EVC2: variants seen among roughly 807,000 people sequenced by gnomAD.
The protein encoded by EVC2 is EvC ciliary complex subunit 2.
In EVC2, 148 loss-of-function variants were observed where a neutral mutation model predicts 149.3. The ratio of observed to expected loss-of-function variants is 0.99; its 90% CI spans 0.87 to 1.14. The LOEUF (loss-of-function observed/expected upper bound fraction) is 1.14. Among genes scored for constraint, EVC2 ranks in the 50% most tolerant of loss-of-function variants. The pLI is 0.00. For synonymous variants in EVC2, 776 were observed against 649.9 expected (o/e 1.19, Z -2.95); for missense variants, 1,854 against 1,627.3 (o/e 1.14, Z -2.40).
In EVC2 at chr4:5,567,956, TCTG is replaced by T. The variant is rs1464438967; in HGVS notation, c.3557+485_3557+487del. ...TTAAAAGGTAAGGAGCAAAATCGCTTCTGCTGTAAGATTCTGAAATGCAGAATG... is the reference window on the plus strand; with the variant it reads ...TTAAAAGGTAAGGAGCAAAATCGCTTCTGTAAGATTCTGAAATGCAGAATG... On this transcript the variant is annotated intron_variant, in intron 20 of 21. Coordinates refer to ENST00000344408, the MANE Select transcript of EVC2 (RefSeq NM_147127.5). This position sits in a 1 kb window ranked among gnomAD's most constrained non-coding sequence, Gnocchi z 4.4. 3.9e-5 allele frequency among the ~76,000 whole-genome samples: 6 copies of T among 152,228 alleles called. No homozygotes were observed. The highest frequency in any genetic ancestry group is 5.9e-5 in the Non-Finnish European group (4 of 68,036).
intron 7 of EVC2, among the ~76,000 whole-genome samples, chr4:5,676,077 G>A (rs1390474298): frequency 6.6e-6 from 1 of 152,138 alleles, no homozygotes; most frequent in East Asian, 1.9e-4. Context: ...CTGTTCTCCT[G>A]GTGCCCGGCA....
chr4:5,684,719 TA>T (rs1720576163), intron 6 of EVC2, among the ~76,000 whole-genome samples: 1 of 152,150 alleles, frequency 6.6e-6, no homozygotes, highest in Admixed American at 6.5e-5. Flanking sequence ...ATTTATATGT[TA>T]AAGTCTGAAG....
intron 9 of EVC2, among the ~76,000 whole-genome samples, chr4:5,644,518 T>C (rs1717570905): frequency 6.6e-6 from 1 of 152,192 alleles, no homozygotes; most frequent in African/African-American, 2.4e-5. Flanking sequence ...TTGGCCAGGA[T>C]GGTCTCAATC....
At position 5,654,176 on chromosome 4, in the gene EVC2, G is replaced by A. The variant is rs187983760; in HGVS notation, c.1145+8931C>T. On this transcript the variant is annotated intron_variant, in intron 9 of 21. Transcript: ENST00000344408. ...TTGCAGTGAGCCAAGATTGTGCCAC[G>A]GCACTCCAGGCTGAGTGACAGAGTG... is the stretch of plus-strand genomic sequence containing the variant. 8.2e-4 allele frequency among the ~76,000 whole-genome samples: 125 copies of A among 152,146 alleles called. 2 individuals carry two copies. The East Asian group carries it at 0.016, about 19-fold the overall frequency.
chr4:5,549,791 C>T (rs1053514669), intron 21 of EVC2, among the ~76,000 whole-genome samples: 1 of 152,174 alleles, frequency 6.6e-6, no homozygotes, highest in African/African-American at 2.4e-5. Context: ...TCTTCCTTCC[C>T]TTTATATGGT....
chr4:5,697,451 G>C (rs1721552981), intron 2 of EVC2, 142 bp downstream of exon 2: 1 of 813,990 alleles, frequency 1.2e-6, no homozygotes. Flanking sequence ...AGTTCTGTAA[G>C]GTCAGGGAAT....
At chr4:5,597,170 C>T (rs1169435736) in intron 16 of EVC2, among the ~76,000 whole-genome samples, 1 of 152,180 alleles carries the variant, frequency 6.6e-6, no homozygotes, top group East Asian at 1.9e-4. Flanking sequence ...CTTTCTGAAA[C>T]TATTCCAATC....
upstream of EVC2, chr4:5,708,620 C>A: frequency 1.2e-6 from 1 of 811,160 alleles, no homozygotes; most frequent in Non-Finnish European, 1.7e-6. Context: ...CGAGCCGCCG[C>A]CGAAAGTTTT....
At chr4:5,595,979 C>G (rs574134784) in intron 16 of EVC2, among the ~76,000 whole-genome samples, 2 of 152,254 alleles carry the variant, frequency 1.3e-5, no homozygotes, top group Non-Finnish European at 2.9e-5. Flanking sequence ...AGAAGGCCAT[C>G]ACATAATGGT....
intron 1 of EVC2, among the ~76,000 whole-genome samples, chr4:5,704,254 G>T (rs1286515129): frequency 6.6e-6 from 1 of 152,198 alleles, no homozygotes; most frequent in Non-Finnish European, 1.5e-5. Flanking sequence ...TGTAAAGAGA[G>T]TGAAAACTGT....
intron 1 of EVC2, among the ~76,000 whole-genome samples, chr4:5,706,429 CATAGATAG>C (rs368245961): frequency 0.015 from 188 of 12,644 alleles, 33 homozygotes; most frequent in African/African-American, 0.048. Context: ...TAGATAGATA[CATAGATAG>C]ATAGATAGAT....
intron 16 of EVC2, among the ~76,000 whole-genome samples, chr4:5,590,168 G>C (rs1001768682): frequency 6.6e-6 from 1 of 152,108 alleles, no homozygotes; most frequent in Non-Finnish European, 1.5e-5. Context: ...GTAAAGGTGT[G>C]GGGGAGAAGA....
chr4:5,708,095 G>A (rs1316899406), intron 1 of EVC2, 191 bp downstream of exon 1: 8 of 467,684 alleles, frequency 1.7e-5, no homozygotes, highest in Non-Finnish European at 2.9e-5. Context: ...CCCCGAGGAA[G>A]GTCTCCAGTT....
At chr4:5,592,336 G>A (rs749828112) in intron 16 of EVC2, among the ~76,000 whole-genome samples, 7 of 152,170 alleles carry the variant, frequency 4.6e-5, no homozygotes, top group Non-Finnish European at 8.8e-5. Flanking sequence ...TGCCCTCCTT[G>A]GAGAAAAGTG....
chr4:5,548,166 G>T (rs1326366826), intron 21 of EVC2, among the ~76,000 whole-genome samples: 3 of 152,032 alleles, frequency 2.0e-5, no homozygotes, highest in African/African-American at 7.2e-5. Context: ...TGGGATCTAG[G>T]CTGGTAGTGT....
intron 16 of EVC2, among the ~76,000 whole-genome samples, chr4:5,594,552 C>A (rs890965614): frequency 6.6e-6 from 1 of 152,022 alleles, no homozygotes; most frequent in Non-Finnish European, 1.5e-5. Context: ...GAAAGGACAC[C>A]CACACCAAAA....
At chr4:5,558,273 G>A (rs368139966), downstream of EVC2, among the ~76,000 whole-genome samples, 1 of 152,192 alleles carries the variant, frequency 6.6e-6, no homozygotes, top group Admixed American at 6.5e-5. Flanking sequence ...ATAGTTAACT[G>A]ACCTTTGACA....
downstream of EVC2, among the ~76,000 whole-genome samples, chr4:5,558,917 G>T (rs1169721074): frequency 6.6e-6 from 1 of 152,218 alleles, no homozygotes; most frequent in Non-Finnish European, 1.5e-5. Context: ...GAAGGGCCAG[G>T]TGTGGTGGCT....
chr4:5,560,500 C>G (rs578163067), downstream of EVC2, among the ~76,000 whole-genome samples: 2 of 152,222 alleles, frequency 1.3e-5, no homozygotes, highest in South Asian at 2.1e-4. The surrounding 1 kb of genome is among the most constrained non-coding windows in gnomAD (Gnocchi z 4.1). Context: ...TATAAAACAT[C>G]AGATCTCGTG....
Sources: gnomAD v4.1 joint callset for allele counts (sites outside exome capture counted in the v4.1 genomes callset) on GRCh38, gnomAD v4.1.1 for gene constraint, Gnocchi (gnomAD v3.1) non-coding constraint, MANE v1.5 for transcripts, NCBI Gene and HGNC (gene_info 2026-07-23, HGNC 2026-07-21) for gene names.